The following CTNND2 variants were observed in gnomAD, a reference collection of about 807,000 sequenced individuals.
The protein encoded by CTNND2 is catenin delta-2.
Under a neutral mutation model 144.4 loss-of-function variants are expected in CTNND2, and 22 were observed. That is an observed-to-expected ratio of 0.15 (90% confidence interval 0.11 to 0.22). The LOEUF is 0.22. Ranked by LOEUF, CTNND2 falls within the 10% of genes least tolerant of loss-of-function variation. The pLI is 1.00. For synonymous variants in CTNND2, 751 were observed against 695.6 expected (o/e 1.08, Z -1.25); for missense variants, 1,353 against 1,618.8 (o/e 0.84, Z 2.82).
At chr5:11,611,592 A>G (rs1475892708) in intron 2 of CTNND2, among the ~76,000 whole-genome samples, 1 of 152,102 alleles carries the variant, frequency 6.6e-6, no homozygotes, top group Non-Finnish European at 1.5e-5. Context: ...AGCCTGGAAA[A>G]CATGGTGAAA....
Position 11,159,687 on chromosome 5 carries a change from G to C in CTNND2, c.2048C>G (p.Thr683Ser), listed in dbSNP as rs1758575892. 1 of 1,613,190 alleles carries C rather than the reference G, an allele frequency of 6.2e-7. No individual in the cohort carries two copies. The highest frequency in any genetic ancestry group is 1.7e-5 in the Admixed American group (1 of 59,870). The change falls in exon 12 of 22, where the codon ACC becomes AGC. Residue 683 changes from threonine (T) to serine (S), a missense_variant. Physicochemically the swap from Thr to Ser is moderately conservative, Grantham distance 58. Around this residue, in one of 4 missense-constraint regions of CTNND2, gnomAD observed 117 missense variants for 117.8 expected, o/e 0.99. Transcript: ENST00000304623. ...PIIQDALAVL[T>S]NAVIIPHSGW... is the part of the protein sequence containing the mutation. ...TGAGTGGGGGATAATCACCGCGTTG[G>C]TCAGTACTGCTAGGGCATCCTGGAT...
At chr5:11,213,081 A>C (rs1738803093) in intron 10 of CTNND2, among the ~76,000 whole-genome samples, 1 of 152,214 alleles carries the variant, frequency 6.6e-6, no homozygotes, top group Non-Finnish European at 1.5e-5. Context: ...AGAAATTTAT[A>C]AGAAATTTAT....
intron 2 of CTNND2, among the ~76,000 whole-genome samples, chr5:11,570,320 G>A (rs1195186158): frequency 1.3e-5 from 2 of 152,074 alleles, no homozygotes; most frequent in African/African-American, 4.8e-5. Context: ...CCTCTCTTCC[G>A]TGGATTCCTG....
chr5:11,133,881 A>G (rs897951086), intron 12 of CTNND2, among the ~76,000 whole-genome samples: 1 of 152,158 alleles, frequency 6.6e-6, no homozygotes, highest in Non-Finnish European at 1.5e-5. Flanking sequence ...TATTGTCATG[A>G]TTGCACTTTT....
chr5:11,899,613 A>G (rs1737695329), intron 1 of CTNND2, among the ~76,000 whole-genome samples: 2 of 152,190 alleles, frequency 1.3e-5, no homozygotes, highest in Non-Finnish European at 2.9e-5. Flanking sequence ...TAGATAACCT[A>G]TTTAATTAGA....
At chr5:11,000,563 C>G (rs907023839) in intron 18 of CTNND2, among the ~76,000 whole-genome samples, 1 of 152,186 alleles carries the variant, frequency 6.6e-6, no homozygotes, top group Non-Finnish European at 1.5e-5. Flanking sequence ...CAGATGAGCA[C>G]AGGAGTTTGT....
intron 3 of CTNND2, among the ~76,000 whole-genome samples, chr5:11,489,531 G>GA (rs138041238): frequency 0.055 from 8,388 of 152,182 alleles, 257 homozygotes; most frequent in Non-Finnish European, 0.071. Flanking sequence ...TATTGAATAG[G>GA]AAAAAACGTG....
chr5:11,726,469 T>A (rs1787024907), intron 2 of CTNND2, among the ~76,000 whole-genome samples: 1 of 152,186 alleles, frequency 6.6e-6, no homozygotes, highest in Admixed American at 6.5e-5. Flanking sequence ...TTGTGGTGAA[T>A]TTTCAAAATA....
chr5:11,456,093 G>A (rs1765710055), intron 3 of CTNND2, among the ~76,000 whole-genome samples: 1 of 152,132 alleles, frequency 6.6e-6, no homozygotes, highest in Non-Finnish European at 1.5e-5. Flanking sequence ...GCACAAGACT[G>A]CACATTCAAT....
At chr5:11,072,245 T>C (rs1412402463) in intron 16 of CTNND2, among the ~76,000 whole-genome samples, 10 of 152,254 alleles carry the variant, frequency 6.6e-5, no homozygotes, top group Admixed American at 5.9e-4. Context: ...GTTGCAGTCT[T>C]AGTGAGCCTT....
At chr5:11,726,081 A>C (rs757698276) in intron 2 of CTNND2, among the ~76,000 whole-genome samples, 26 of 152,112 alleles carry the variant, frequency 1.7e-4, no homozygotes, top group Non-Finnish European at 2.9e-4. Context: ...CGAATTTTTA[A>C]GAGTCTTGAA....
chr5:11,271,826 A>G (rs990215275), intron 9 of CTNND2, among the ~76,000 whole-genome samples: 5 of 152,128 alleles, frequency 3.3e-5, no homozygotes, highest in Non-Finnish European at 5.9e-5. Flanking sequence ...GTGTGGGGGA[A>G]GGTTTCATTC....
At chr5:11,574,430 T>G (rs1216207359) in intron 2 of CTNND2, among the ~76,000 whole-genome samples, 1 of 152,088 alleles carries the variant, frequency 6.6e-6, no homozygotes, top group African/African-American at 2.4e-5. Flanking sequence ...AGAAACCCAT[T>G]GCTTCCAAGC....
chr5:11,421,097 C>T (rs569652759), intron 3 of CTNND2, among the ~76,000 whole-genome samples: 40 of 152,196 alleles, frequency 2.6e-4, no homozygotes, highest in African/African-American at 8.7e-4. Context: ...GCTCGTCTGA[C>T]CTCTGAAGAA....
intron 18 of CTNND2, 55 bp downstream of exon 18, chr5:11,017,919 C>T (rs1741799466): frequency 1.2e-5 from 17 of 1,417,596 alleles, no homozygotes; most frequent in Non-Finnish European, 1.6e-5. Context: ...TGTGACGCCT[C>T]TCAGGGTCCC....
intron 3 of CTNND2, among the ~76,000 whole-genome samples, chr5:11,519,526 G>A (rs1281006532): frequency 6.8e-6 from 1 of 146,390 alleles, no homozygotes; most frequent in Admixed American, 6.8e-5. Context: ...TTTTTTTCTG[G>A]TCAACTGCTA....
chr5:10,989,098 G>T (rs1359491510), intron 19 of CTNND2, among the ~76,000 whole-genome samples: 3 of 152,198 alleles, frequency 2.0e-5, no homozygotes, highest in Non-Finnish European at 4.4e-5. Context: ...CAGAGGCAAG[G>T]AAGTCAGTAA....
intron 9 of CTNND2, among the ~76,000 whole-genome samples, chr5:11,313,958 A>G (rs1751246609): frequency 6.6e-6 from 1 of 152,134 alleles, no homozygotes; most frequent in Admixed American, 6.5e-5. Context: ...GAACTCACTC[A>G]CTATCACTAG....
intron 9 of CTNND2, among the ~76,000 whole-genome samples, chr5:11,245,868 C>T (rs1044835307): frequency 6.6e-6 from 1 of 152,140 alleles, no homozygotes; most frequent in Admixed American, 6.5e-5. Flanking sequence ...GGAGAGTCTT[C>T]GATGTGACTT....
Sources: gnomAD v4.1 joint callset for allele counts (sites outside exome capture counted in the v4.1 genomes callset) on GRCh38, gnomAD v4.1.1 for gene constraint, gnomAD v4.1.1 regional missense constraint, MANE v1.5 for transcripts, NCBI Gene and HGNC (gene_info 2026-07-23, HGNC 2026-07-21) for gene names.